The following C9 variants were observed in gnomAD, a reference collection of about 807,000 sequenced individuals.
The protein encoded by C9 is complement component C9.
Under a neutral mutation model 65.4 loss-of-function variants are expected in C9, and 63 were observed. That is an observed-to-expected ratio of 0.96 (90% CI 0.79 to 1.19). The LOEUF is 1.19. Ranked by LOEUF, C9 falls within the 50% of genes most tolerant of loss-of-function variation. The probability of loss-of-function intolerance (pLI) is 0.00; values close to 1 mark genes in which losing one functional copy is unlikely to be tolerated. For missense variants in C9, 744 were observed against 670.1 expected, an observed-to-expected ratio of 1.11 and a Z score of -1.22; for synonymous variants, 229 against 227.9, an observed-to-expected ratio of 1.00 and a Z score of -0.04.
At chr5:39,308,117 A>T in intron 8 of C9, 113 bp downstream of exon 8, 1 of 988,700 alleles carries the variant, frequency 1.0e-6, no homozygotes, top group Non-Finnish European at 1.6e-6. Flanking sequence ...AATGTAAGAT[A>T]GTTTTTAAGC....
Position 39,361,648 on chromosome 5 carries a change from C to T in C9, c.77+2740G>A, listed in dbSNP as rs944195969. ...AGCCAGTAAATTGTGGAGCTGGGAT[C>T]GAACCCAGGCCACCTGGCTCCAGAA... On this transcript the variant is annotated intron_variant, in intron 1 of 10. Transcript: ENST00000263408. Among the ~76,000 whole-genome samples, 4 of 152,138 alleles carry T rather than the reference C, an allele frequency of 2.6e-5. No homozygotes were observed. In the South Asian group the frequency reaches 6.2e-4, roughly 24 times the overall value.
intron 10 of C9, among the ~76,000 whole-genome samples, chr5:39,286,836 T>TC (rs1383717274): frequency 6.6e-6 from 1 of 151,920 alleles, no homozygotes; most frequent in African/African-American, 2.4e-5. Flanking sequence ...CTTACATATT[T>TC]TGTCACCACA....
intron 5 of C9, among the ~76,000 whole-genome samples, chr5:39,327,240 C>G (rs1753762959): frequency 6.6e-6 from 1 of 152,124 alleles, no homozygotes; most frequent in African/African-American, 2.4e-5. Flanking sequence ...GATAGACACT[C>G]ACCAAATTTA....
intron 7 of C9, 70 bp from the exon 8 acceptor site, chr5:39,308,428 C>G (rs2111880681): frequency 7.7e-7 from 1 of 1,299,064 alleles, no homozygotes; most frequent in South Asian, 1.2e-5. Flanking sequence ...TCCAATTTTG[C>G]TATTTTCAAG....
chr5:39,285,686 G>C (rs1438413408), intron 10 of C9, among the ~76,000 whole-genome samples: 1 of 148,608 alleles, frequency 6.7e-6, no homozygotes, highest in Non-Finnish European at 1.5e-5. Flanking sequence ...ATAGACATCT[G>C]TTTTGTTTTG....
At chr5:39,307,373 C>G (rs774714432) in intron 8 of C9, among the ~76,000 whole-genome samples, 8 of 152,122 alleles carry the variant, frequency 5.3e-5, no homozygotes, top group Non-Finnish European at 1.0e-4. Context: ...TTGTCATCCC[C>G]TCTTCATTTT....
chr5:39,315,857 GA>G lies in C9; in HGVS notation c.787del (p.Ser263LeufsTer35), dbSNP rs1357217922. The G allele has an allele frequency of 2.5e-6, 4 of 1,612,356 alleles. No homozygotes were observed. Among genetic ancestry groups the G allele is most frequent in the African/African-American group, 1.3e-5 (1 of 74,860 alleles). The part of the protein sequence containing the change: ...QCCEETASSI[S>X]LHGKGSFRFS... ...CCGAAAACTACCCTTGCCATGTAAA[GA>G]AATTGAGGAGGCTGTTTCCTCACAA... On this transcript the variant is annotated frameshift_variant, in exon 6 of 11. Transcript: ENST00000263408. LOFTEE classifies it high-confidence loss of function.
At chr5:39,351,747 C>T (rs1469916576) in intron 1 of C9, among the ~76,000 whole-genome samples, 1 of 152,144 alleles carries the variant, frequency 6.6e-6, no homozygotes, top group Non-Finnish European at 1.5e-5. Flanking sequence ...GTCCATATCA[C>T]TATCAGCATT....
chr5:39,308,067 A>G (rs1753411708), intron 8 of C9, among the ~76,000 whole-genome samples, 163 bp downstream of exon 8: 1 of 152,204 alleles, frequency 6.6e-6, no homozygotes, highest in Non-Finnish European at 1.5e-5. Context: ...ATACATGTCC[A>G]TGCGCTATCG....
At chr5:39,306,537 C>T in intron 9 of C9, 80 bp downstream of exon 9, 1 of 1,114,648 alleles carries the variant, frequency 9.0e-7, no homozygotes, top group East Asian at 2.4e-5. Context: ...TCAGATGAAG[C>T]TAACAGTTCA....
intron 9 of C9, among the ~76,000 whole-genome samples, chr5:39,293,407 T>C (rs576449098): frequency 4.0e-5 from 6 of 151,644 alleles, no homozygotes; most frequent in African/African-American, 1.5e-4. Flanking sequence ...CAAGCAAGAG[T>C]AGCTATGCTT....
chr5:39,345,440 C>T (rs1097211), intron 1 of C9, among the ~76,000 whole-genome samples: 11,766 of 152,062 alleles, frequency 0.077, 889 homozygotes, highest in African/African-American at 0.19. Context: ...CATTACATAA[C>T]GGTAAAGGGA....
chr5:39,306,624 C>T lies in C9; in HGVS notation c.1409G>A (p.Ser470Asn). The T allele has an allele frequency of 6.2e-7, 1 of 1,612,202 alleles. No individual in the cohort carries two copies. Among genetic ancestry groups the T allele is most frequent in the Non-Finnish European group, 8.5e-7 (1 of 1,178,374 alleles). The stretch of plus-strand genomic sequence containing the variant: ...AATAAACACGTTTCTTACTTTTTGA[C>T]TAATGAGAACAGGAGCATCATTTAT... The part of the protein sequence containing the change: ...SSINDAPVLI[S>N]QKLSPIYNLV... Residue 470 changes from serine to asparagine, a missense_variant, in exon 9 of 11, where the codon AGT (serine) becomes AAT (asparagine). Coordinates refer to ENST00000263408, the MANE Select transcript of C9 (RefSeq NM_001737.5).
At chr5:39,350,526 T>C (rs1754303909) in intron 1 of C9, among the ~76,000 whole-genome samples, 1 of 152,032 alleles carries the variant, frequency 6.6e-6, no homozygotes, top group Admixed American at 6.6e-5. Flanking sequence ...GCCTGTAAAA[T>C]CAAAAACAAG....
At chr5:39,341,084 T>G in intron 4 of C9, 62 bp downstream of exon 4, 74 of 1,559,330 alleles carry the variant, frequency 4.7e-5, no homozygotes, top group Non-Finnish European at 5.6e-5. Flanking sequence ...TCTATCACAA[T>G]GAGAGAGATG....
chr5:39,364,247 T>C lies in C9; in HGVS notation c.77+141A>G, dbSNP rs565125812. ...AAGATGCACCCTATGTATTTTCTTA[T>C]CTCTTTTCGAAGTTTAGATTCTAGG... On this transcript the variant is annotated intron_variant, in intron 1 of 10. Coordinates refer to ENST00000263408, the MANE Select transcript of C9 (RefSeq NM_001737.5). The C allele has an allele frequency of 4.2e-4, 276 of 650,688 alleles. 1 individual carries two copies. The highest frequency in any genetic ancestry group is 7.1e-4 in the Non-Finnish European group (250 of 350,832). The allele number at this position is 650,688 out of a possible 1,614,324, so 40.3% of individuals were successfully genotyped here.
chr5:39,347,411 T>G (rs1754222189), intron 1 of C9, among the ~76,000 whole-genome samples: 2 of 152,080 alleles, frequency 1.3e-5, no homozygotes, highest in African/African-American at 2.4e-5. Context: ...ATGAGTGAAC[T>G]CCCATTCACA....
intron 1 of C9, among the ~76,000 whole-genome samples, chr5:39,344,234 G>A (rs1414009968): frequency 6.6e-6 from 1 of 152,192 alleles, no homozygotes; most frequent in Admixed American, 6.5e-5. Flanking sequence ...TGAGCTAAAG[G>A]AGGAAGTTCG....
chr5:39,355,622 C>T (rs1036070101), intron 1 of C9, among the ~76,000 whole-genome samples: 15 of 152,100 alleles, frequency 9.9e-5, no homozygotes, highest in Non-Finnish European at 2.2e-4. Flanking sequence ...ACTCTCTTGC[C>T]CTGGGACTAG....
Sources: allele counts gnomAD v4.1 joint callset (sites outside exome capture counted in the v4.1 genomes callset), GRCh38; gene constraint gnomAD v4.1.1; transcripts MANE v1.5; gene names NCBI Gene and HGNC (gene_info 2026-07-23, HGNC 2026-07-21).